CUBN: variants seen among roughly 807,000 people sequenced by gnomAD.
CUBN encodes the protein cubilin, also known as 460 kDa receptor.
A neutral mutation model predicts 405.3 loss-of-function variants in CUBN; 282 were observed. That is an observed-to-expected ratio of 0.70 (90% CI 0.63 to 0.77). The LOEUF (loss-of-function observed/expected upper bound fraction) is 0.77. CUBN is among the 30% of genes least tolerant of loss of function. The pLI is 0.00. For missense variants in CUBN, 4,514 were observed against 4,475.2 expected, an observed-to-expected ratio of 1.01 and a Z score of -0.25; for synonymous variants, 1,684 against 1,617.0, an observed-to-expected ratio of 1.04 and a Z score of -0.99.
intron 31 of CUBN, among the ~76,000 whole-genome samples, chr10:16,974,612 C>A (rs576288704): frequency 1.3e-5 from 2 of 152,180 alleles, no homozygotes; most frequent in South Asian, 4.2e-4. Context: ...ACCTCGTGAT[C>A]CCCCCGCCTC....
intron 59 of CUBN, among the ~76,000 whole-genome samples, chr10:16,869,322 T>G (rs1840280806): frequency 1.3e-5 from 2 of 151,750 alleles, no homozygotes. Flanking sequence ...CACACCACCA[T>G]GCCCAGCTAA....
intron 59 of CUBN, among the ~76,000 whole-genome samples, chr10:16,862,272 G>A (rs778577910): frequency 1.3e-5 from 2 of 152,080 alleles, no homozygotes; most frequent in African/African-American, 2.4e-5. Flanking sequence ...TTGGGGGACA[G>A]TCAAACTCAT....
chr10:16,996,088 C>T (rs1007882331), intron 28 of CUBN, among the ~76,000 whole-genome samples: 2 of 152,152 alleles, frequency 1.3e-5, no homozygotes, highest in East Asian at 3.9e-4. Flanking sequence ...CTCAAAGGCA[C>T]GGAACTAACA....
intron 22 of CUBN, 131 bp downstream of exon 22, chr10:17,065,377 C>T (rs949439969): frequency 1.7e-5 from 19 of 1,149,592 alleles, no homozygotes; most frequent in African/African-American, 3.1e-5. Context: ...TAAGTCACTA[C>T]CCTTTATTCT....
At position 16,829,047 on chromosome 10, in the gene CUBN, G is replaced by C; in HGVS notation, c.10529-7C>G. ...TAAAGAGTTCCACCACATCCTGCAA[G>C]GAAAACAGGACAGGAAGTTTGATTC... On this transcript the variant is annotated splice_polypyrimidine_tract_variant and splice_region_variant and intron_variant, in intron 65 of 66. Transcript: ENST00000377833. The C allele has an allele frequency of 6.2e-7, 1 of 1,609,130 alleles. No individual in the cohort carries two copies. The highest frequency in any genetic ancestry group is 8.5e-7 in the Non-Finnish European group (1 of 1,176,078).
chr10:16,892,667 A>AT (rs975294379), intron 54 of CUBN, among the ~76,000 whole-genome samples: 21 of 151,578 alleles, frequency 1.4e-4, no homozygotes, highest in South Asian at 2.1e-4. Flanking sequence ...AGTTTTTTGT[A>AT]TTTTTTTGCA....
Position 17,103,197 on chromosome 10 carries a change from G to A in CUBN, c.1458C>T (p.Ser486=), listed in dbSNP as rs757839136. 42 of 1,613,666 alleles carry A rather than the reference G, an allele frequency of 2.6e-5. No homozygotes were observed. The East Asian group carries it at 6.7e-4, about 26-fold the overall frequency. ...CATAACCAACATCCGGGCTCCTGTA[G>A]CTGAAGCTTCCATTTATTCCTGAGA... is the stretch of plus-strand genomic sequence containing the variant. ...ESLSGINGSF[S]YRSPDVGYVH... Residue 486 remains serine, a synonymous_variant, in exon 13 of 67, where the codon AGC becomes AGT. Transcript: ENST00000377833.
chr10:16,903,564 C>T (rs2131428656), intron 51 of CUBN, among the ~76,000 whole-genome samples: 1 of 150,082 alleles, frequency 6.7e-6, no homozygotes, highest in Non-Finnish European at 1.5e-5. Flanking sequence ...GATCTTTGGA[C>T]TAAAGTTACA....
intron 10 of CUBN, 152 bp downstream of exon 10, chr10:17,109,488 G>C (rs935971521): frequency 1.5e-6 from 1 of 675,642 alleles, no homozygotes; most frequent in African/African-American, 1.8e-5. Flanking sequence ...ATTTAAGAAA[G>C]CCAAATGTGT....
chr10:16,940,218 A>G lies in CUBN; in HGVS notation c.5362T>C (p.Ser1788Pro), dbSNP rs145305920. ...LSFISFQLED[S>P]QDCSRDFVEI... Reference sequence around the variant, plus strand: ...ACAAAATCTCTGCTGCAGTCCTGAGAGTCTTCCAACTGGAAAGATCTGATT... The same window carrying G: ...ACAAAATCTCTGCTGCAGTCCTGAGGGTCTTCCAACTGGAAAGATCTGATT... Residue 1788 changes from serine to proline, a missense_variant, in exon 37 of 67, where the codon TCT (serine) becomes CCT (proline). Ser to Pro is a moderately conservative substitution (Grantham distance 74, BLOSUM62 -1). Around this residue, in one of 5 missense-constraint regions of CUBN, gnomAD observed 1,613 missense variants for 1,542.8 expected, o/e 1.05. Transcript: ENST00000377833. 5 of 1,613,978 alleles carry G rather than the reference A, an allele frequency of 3.1e-6. No individual in the cohort carries two copies. Among genetic ancestry groups the G allele is most frequent in the Non-Finnish European group, 4.2e-6 (5 of 1,179,952 alleles).
At chr10:17,018,363 C>T (rs1055879730) in intron 28 of CUBN, among the ~76,000 whole-genome samples, 1 of 152,140 alleles carries the variant, frequency 6.6e-6, no homozygotes, top group Admixed American at 6.6e-5. Context: ...AATGAAGCTG[C>T]GGACCCTCGT....
intron 66 of CUBN, among the ~76,000 whole-genome samples, chr10:16,826,417 T>C (rs1359102324): frequency 6.6e-6 from 1 of 152,206 alleles, no homozygotes; most frequent in Non-Finnish European, 1.5e-5. Flanking sequence ...TGAAAGTATG[T>C]ATGTAAATAT....
At chr10:16,938,413 T>A (rs1842574333) in intron 38 of CUBN, among the ~76,000 whole-genome samples, 1 of 152,158 alleles carries the variant, frequency 6.6e-6, no homozygotes, top group Non-Finnish European at 1.5e-5. Flanking sequence ...TATTATAAAA[T>A]ACTCTACCAA....
intron 14 of CUBN, among the ~76,000 whole-genome samples, chr10:17,095,801 T>C (rs953954528): frequency 6.6e-6 from 1 of 152,178 alleles, no homozygotes; most frequent in Middle Eastern, 3.2e-3. Flanking sequence ...TCATGTTCAT[T>C]GCAGCATTAT....
Position 16,906,247 on chromosome 10 carries a change from TC to T in CUBN, c.7867del (p.Glu2623LysfsTer22), listed in dbSNP as rs749337825. On this transcript the variant is annotated frameshift_variant, in exon 50 of 67. Coordinates refer to ENST00000377833, the MANE Select transcript of CUBN (RefSeq NM_001081.4). LOFTEE classifies it high-confidence loss of function. Reference protein sequence around the residue: ...ISIHFEDFYLESHQDCQFDVL... With the variant: ...ISIHFEDFYLXSHQDCQFDVL... ...ATCAAATTGACAGTCTTGGTGACTTTCTAGGTAAAAATCTTCAAAGTGAATG... is the reference window on the plus strand; with the variant it reads ...ATCAAATTGACAGTCTTGGTGACTTTTAGGTAAAAATCTTCAAAGTGAATG... The T allele has an allele frequency of 6.2e-7, 1 of 1,614,182 alleles. No individual in the cohort carries two copies. Among genetic ancestry groups the T allele is most frequent in the African/African-American group, 1.3e-5 (1 of 75,074 alleles).
chr10:17,020,750 C>T (rs1366109797), intron 27 of CUBN, among the ~76,000 whole-genome samples: 1 of 151,872 alleles, frequency 6.6e-6, no homozygotes, highest in African/African-American at 2.4e-5. Context: ...ATTGTGTAAA[C>T]CTTGGTGTAA....
intron 26 of CUBN, among the ~76,000 whole-genome samples, chr10:17,042,824 A>G (rs1835047077): frequency 6.6e-6 from 1 of 152,180 alleles, no homozygotes; most frequent in Non-Finnish European, 1.5e-5. Flanking sequence ...CAGTTAATTC[A>G]AGGGATATTG....
intron 60 of CUBN, among the ~76,000 whole-genome samples, chr10:16,849,559 C>T (rs1839620526): frequency 2.0e-5 from 3 of 152,234 alleles, no homozygotes; most frequent in Admixed American, 2.0e-4. Flanking sequence ...ACCTTAGCCC[C>T]TTTCATAGTA....
intron 62 of CUBN, among the ~76,000 whole-genome samples, chr10:16,839,210 C>A (rs1410204811): frequency 2.6e-5 from 4 of 152,092 alleles, no homozygotes; most frequent in Non-Finnish European, 4.4e-5. Context: ...AGGGAGGATG[C>A]ACTTTTAAGA....
Sources: allele counts gnomAD v4.1 joint callset (sites outside exome capture counted in the v4.1 genomes callset), GRCh38; gene constraint gnomAD v4.1.1; regional missense constraint gnomAD v4.1.1; transcripts MANE v1.5; gene names NCBI Gene and HGNC (gene_info 2026-07-23, HGNC 2026-07-21).